SIPA1L1: variants seen among roughly 807,000 people sequenced by gnomAD.
The protein encoded by SIPA1L1 is signal-induced proliferation-associated 1-like protein 1.
In SIPA1L1, 26 loss-of-function variants were observed where a neutral mutation model predicts 162.7. The ratio of observed to expected loss-of-function variants is 0.16; its 90% confidence interval spans 0.12 to 0.22. The LOEUF (loss-of-function observed/expected upper bound fraction) is 0.22, where lower values mean the gene tolerates loss of function less well. Ranked by LOEUF, SIPA1L1 falls within the 10% of genes least tolerant of loss-of-function variation. SIPA1L1 has a pLI of 1.00. For missense variants in SIPA1L1, 1,874 were observed against 2,241.0 expected (o/e 0.84, Z 3.31); for synonymous variants, 829 against 837.4 (o/e 0.99, Z 0.17).
intron 2 of SIPA1L1, among the ~76,000 whole-genome samples, chr14:71,426,489 T>TC (rs909182264): frequency 8.8e-5 from 13 of 148,092 alleles, no homozygotes; most frequent in Admixed American, 2.0e-4. Context: ...TTTCTTTCTT[T>TC]TTTTTTTTTT....
chr14:71,424,394 A>C (rs1283522680), intron 2 of SIPA1L1, among the ~76,000 whole-genome samples: 1 of 152,068 alleles, frequency 6.6e-6, no homozygotes, highest in East Asian at 1.9e-4. Flanking sequence ...CATTATAGAC[A>C]TGATGTTTGC....
At chr14:71,633,150 ATGTTATGTTCTGTTCTGTTC>A (rs1482280375) in intron 7 of SIPA1L1, among the ~76,000 whole-genome samples, 8 of 145,124 alleles carry the variant, frequency 5.5e-5, no homozygotes, top group South Asian at 2.2e-4. Context: ...ATGTTATGTT[ATGTTATGTTCTGTTCTGTTC>A]TGTTCTTTGG....
At chr14:71,621,357 C>T (rs1462611458) in intron 6 of SIPA1L1, among the ~76,000 whole-genome samples, 3 of 152,176 alleles carry the variant, frequency 2.0e-5, no homozygotes, top group African/African-American at 7.2e-5. Flanking sequence ...CCGGTTATCT[C>T]TCTGCGCCTC....
intron 15 of SIPA1L1, 60 bp downstream of exon 15, chr14:71,702,565 TTGA>T: frequency 1.4e-6 from 2 of 1,426,430 alleles, no homozygotes; most frequent in East Asian, 2.3e-5. Context: ...AGGTCACCTC[TTGA>T]TGATGTTATC....
intron 3 of SIPA1L1, among the ~76,000 whole-genome samples, chr14:71,513,507 A>C (rs181463527): frequency 7.9e-5 from 12 of 152,210 alleles, no homozygotes; most frequent in Non-Finnish European, 1.5e-4. Context: ...TTTGTTTTAG[A>C]GGCAGGGTCT....
intron 5 of SIPA1L1, among the ~76,000 whole-genome samples, chr14:71,598,532 C>T (rs1487536719): frequency 6.6e-6 from 1 of 152,120 alleles, no homozygotes; most frequent in Non-Finnish European, 1.5e-5. Flanking sequence ...ATCAGACAAA[C>T]CCAAATTGAG....
chr14:71,532,514 A>T lies in SIPA1L1; in HGVS notation c.-303+3144A>T, dbSNP rs184656812. ...CCCTGGGCTGAGGGAGCTTCTAGAC[A>T]CTGACTCAGATCTGTAATTAGGTCT... is the stretch of plus-strand genomic sequence containing the variant. On this transcript the variant is annotated intron_variant, in intron 4 of 23. Transcript: ENST00000381232. 2.4e-3 allele frequency among the ~76,000 whole-genome samples: 367 copies of T among 152,256 alleles called. 3 individuals carry two copies. Among genetic ancestry groups the T allele is most frequent in the Non-Finnish European group, 4.4e-3 (298 of 68,000 alleles).
chr14:71,365,636 TTA>T (rs1293404664), intron 2 of SIPA1L1, among the ~76,000 whole-genome samples: 49 of 152,334 alleles, frequency 3.2e-4, no homozygotes, highest in African/African-American at 1.2e-3. Flanking sequence ...ATTTTGTTGT[TTA>T]TATATTATTG....
chr14:71,446,300 T>C (rs1162908765), intron 2 of SIPA1L1, among the ~76,000 whole-genome samples: 2 of 152,260 alleles, frequency 1.3e-5, no homozygotes, highest in Non-Finnish European at 2.9e-5. Context: ...TTTACTCTTT[T>C]TCTATGCATA....
intron 7 of SIPA1L1, among the ~76,000 whole-genome samples, chr14:71,638,532 TTGA>T (rs1311068476): frequency 1.3e-5 from 2 of 152,248 alleles, no homozygotes; most frequent in Non-Finnish European, 2.9e-5. Context: ...CTTTCTCAGC[TTGA>T]TGAAGAACAT....
rs1265715954 is a variant in SIPA1L1 at position 71,377,919 on chromosome 14, C to T, written c.-465+56738C>T. Among the ~76,000 whole-genome samples, 4 of 152,168 alleles carry T rather than the reference C, an allele frequency of 2.6e-5. No homozygotes were observed. Among genetic ancestry groups the T allele is most frequent in the East Asian group, 1.9e-4 (1 of 5,200 alleles). On this transcript the variant is annotated intron_variant, in intron 2 of 23. Transcript: ENST00000381232. The surrounding 1 kb of genome is among the most constrained non-coding windows in gnomAD (Gnocchi z 4.8). The stretch of plus-strand genomic sequence containing the variant: ...CAGGGAGGTTGCAGTGAGCCGAGAT[C>T]GCAGCAGTACAGTCCAGCCTCGGCA...
At chr14:71,604,517 C>A (rs1160076984) in intron 5 of SIPA1L1, among the ~76,000 whole-genome samples, 1 of 152,026 alleles carries the variant, frequency 6.6e-6, no homozygotes, top group East Asian at 1.9e-4. Flanking sequence ...TCTTTCACTT[C>A]CAGGGCTAGG....
At chr14:71,361,034 G>A (rs1383330315) in intron 2 of SIPA1L1, among the ~76,000 whole-genome samples, 2 of 151,668 alleles carry the variant, frequency 1.3e-5, no homozygotes, top group African/African-American at 2.4e-5. Context: ...TTTTTCCTGA[G>A]GATAAAATTA....
At chr14:71,664,366 A>C (rs532359182) in intron 10 of SIPA1L1, among the ~76,000 whole-genome samples, 1 of 152,302 alleles carries the variant, frequency 6.6e-6, no homozygotes, top group East Asian at 1.9e-4. Flanking sequence ...TTTTATCCCT[A>C]AGTGATATAG....
intron 2 of SIPA1L1, among the ~76,000 whole-genome samples, chr14:71,327,098 T>C (rs1362226454): frequency 6.7e-6 from 1 of 150,066 alleles, no homozygotes; most frequent in Admixed American, 6.6e-5. Flanking sequence ...TTTTTTTTTT[T>C]GAGACGGAGT....
At chr14:71,703,393 A>G (rs2082225048) in intron 15 of SIPA1L1, among the ~76,000 whole-genome samples, 1 of 152,218 alleles carries the variant, frequency 6.6e-6, no homozygotes, top group Admixed American at 6.5e-5. Context: ...TTGCCCAAGT[A>G]AGTGTACTAA....
chr14:71,686,025 A>C (rs1230179773), intron 13 of SIPA1L1, among the ~76,000 whole-genome samples: 1 of 152,244 alleles, frequency 6.6e-6, no homozygotes, highest in East Asian at 1.9e-4. Context: ...AACAGAAGGC[A>C]GGTTTTTGGT....
intron 4 of SIPA1L1, among the ~76,000 whole-genome samples, chr14:71,543,969 A>G (rs936834843): frequency 6.7e-5 from 10 of 150,308 alleles, no homozygotes; most frequent in Admixed American, 6.6e-4. Context: ...GTATGTATAT[A>G]TACACACACG....
chr14:71,351,172 A>C (rs1246156700), intron 2 of SIPA1L1, among the ~76,000 whole-genome samples: 1 of 152,244 alleles, frequency 6.6e-6, no homozygotes, highest in African/African-American at 2.4e-5. Flanking sequence ...TTGCAAGTAC[A>C]GTATAATTAC....
Sources: allele counts gnomAD v4.1 joint callset (sites outside exome capture counted in the v4.1 genomes callset), GRCh38; gene constraint gnomAD v4.1.1; non-coding constraint Gnocchi (gnomAD v3.1); transcripts MANE v1.5; gene names NCBI Gene and HGNC (gene_info 2026-07-23, HGNC 2026-07-21).